The following MAF variants were observed in gnomAD, a reference collection of about 807,000 sequenced individuals.
MAF encodes the protein transcription factor Maf.
In MAF, 10 loss-of-function variants were observed where a neutral mutation model predicts 22.0. That is an observed-to-expected ratio of 0.45 (90% CI 0.28 to 0.77). The LOEUF (loss-of-function observed/expected upper bound fraction) is 0.77, where lower values mean the gene tolerates loss of function less well. Among genes scored for constraint, MAF ranks in the 30% least tolerant of loss-of-function variants. MAF has a pLI of 0.12. For synonymous variants in MAF, 337 were observed against 255.8 expected, an observed-to-expected ratio of 1.32 and a Z score of -3.03; for missense variants, 544 against 548.4, an observed-to-expected ratio of 0.99 and a Z score of 0.08.
chr16:79,381,973 G>C, the MAF span, among the ~76,000 whole-genome samples: 1 of 152,152 alleles, frequency 6.6e-6, no homozygotes, highest in Non-Finnish European at 1.5e-5. Context: ...GACGTCAAAT[G>C]TGATATGACA....
the MAF span, among the ~76,000 whole-genome samples, chr16:79,450,419 C>T: frequency 1.3e-5 from 2 of 152,160 alleles, no homozygotes; most frequent in African/African-American, 4.8e-5. Flanking sequence ...AAGTGTTAGA[C>T]AAATTGTTTC....
At chr16:79,573,159 A>C in the MAF span, among the ~76,000 whole-genome samples, 1 of 152,172 alleles carries the variant, frequency 6.6e-6, no homozygotes, top group African/African-American at 2.4e-5. Flanking sequence ...TATTTATATT[A>C]AGGAAATTAG....
At chr16:79,556,940 G>A in the MAF span, among the ~76,000 whole-genome samples, 6 of 151,306 alleles carry the variant, frequency 4.0e-5, no homozygotes, top group African/African-American at 1.5e-4. Context: ...TTTCTGTTAC[G>A]AGTTTCTACC....
the MAF span, among the ~76,000 whole-genome samples, chr16:79,474,029 G>C: frequency 9.2e-5 from 14 of 152,080 alleles, no homozygotes; most frequent in African/African-American, 3.1e-4. Context: ...AGGAAAGGGA[G>C]AGGGCAAAAG....
chr16:79,284,730 C>T, the MAF span, among the ~76,000 whole-genome samples: 1 of 152,194 alleles, frequency 6.6e-6, no homozygotes, highest in African/African-American at 2.4e-5. Context: ...CTTTAACTTC[C>T]GTTTTTCAGG....
At chr16:79,379,921 A>G in the MAF span, among the ~76,000 whole-genome samples, 1 of 152,304 alleles carries the variant, frequency 6.6e-6, no homozygotes, top group African/African-American at 2.4e-5. Context: ...CTCCCCTCAG[A>G]CACAGTTTCA....
downstream of MAF, among the ~76,000 whole-genome samples, chr16:79,589,128 C>T (rs1913036841): frequency 6.6e-6 from 1 of 151,976 alleles, no homozygotes; most frequent in Admixed American, 6.5e-5. Context: ...CGATACTTGC[C>T]TAACTTAAGT....
the MAF span, among the ~76,000 whole-genome samples, chr16:79,543,810 C>T: frequency 3.0e-4 from 46 of 152,096 alleles, no homozygotes; most frequent in South Asian, 7.3e-3. Flanking sequence ...CGTCAGCCTG[C>T]CCAGTAGCTG....
At chr16:79,485,208 C>G in the MAF span, among the ~76,000 whole-genome samples, 51 of 152,284 alleles carry the variant, frequency 3.3e-4, no homozygotes, top group African/African-American at 1.2e-3. Context: ...CTGTGTGACC[C>G]TGGGCAAGTG....
chr16:79,512,227 C>A, the MAF span, among the ~76,000 whole-genome samples: 1 of 152,190 alleles, frequency 6.6e-6, no homozygotes, highest in Non-Finnish European at 1.5e-5. Flanking sequence ...AAAGCTTCAC[C>A]TTCAGTACAG....
the MAF span, among the ~76,000 whole-genome samples, chr16:79,214,866 A>C: frequency 1.3e-5 from 2 of 150,838 alleles, no homozygotes; most frequent in South Asian, 4.2e-4. Flanking sequence ...GCCCACAACC[A>C]CACCTGGCTA....
chr16:79,293,701 T>C, the MAF span, among the ~76,000 whole-genome samples: 1 of 152,186 alleles, frequency 6.6e-6, no homozygotes, highest in Non-Finnish European at 1.5e-5. Flanking sequence ...GGTGTTCACC[T>C]AGTAGAAATT....
At chr16:79,554,557 A>G in the MAF span, among the ~76,000 whole-genome samples, 2 of 152,164 alleles carry the variant, frequency 1.3e-5, no homozygotes, top group Non-Finnish European at 1.5e-5. Flanking sequence ...GGAAGACAAC[A>G]CAGGTGGATG....
chr16:79,326,903 G>A, the MAF span, among the ~76,000 whole-genome samples: 1 of 152,300 alleles, frequency 6.6e-6, no homozygotes, highest in African/African-American at 2.4e-5. Flanking sequence ...TAGATTTTCA[G>A]AAAAGAGAAA....
chr16:79,232,141 G>A, the MAF span, among the ~76,000 whole-genome samples: 1 of 152,028 alleles, frequency 6.6e-6, no homozygotes, highest in Non-Finnish European at 1.5e-5. Flanking sequence ...ACCTCTTACT[G>A]CGCATTCCAG....
chr16:79,232,613 C>A, the MAF span, among the ~76,000 whole-genome samples: 1 of 151,918 alleles, frequency 6.6e-6, no homozygotes, highest in Non-Finnish European at 1.5e-5. Context: ...ACACTCATGG[C>A]ACATGGACAG....
the MAF span, among the ~76,000 whole-genome samples, chr16:79,442,000 C>T: frequency 6.6e-6 from 1 of 152,184 alleles, no homozygotes; most frequent in Non-Finnish European, 1.5e-5. Context: ...AGGGCAGACA[C>T]AGCCATGGAG....
the MAF span, among the ~76,000 whole-genome samples, chr16:79,550,513 A>G: frequency 2.6e-5 from 4 of 152,078 alleles, no homozygotes; most frequent in African/African-American, 9.7e-5. Flanking sequence ...TCACCATGTG[A>G]CCCATTGGGA....
the MAF span, among the ~76,000 whole-genome samples, chr16:79,544,535 G>A: frequency 2.5e-3 from 384 of 152,202 alleles, no homozygotes; most frequent in Non-Finnish European, 4.4e-3. Context: ...AGCACTTTGA[G>A]AGACCGAGTT....
Sources: gnomAD v4.1 joint callset for allele counts (sites outside exome capture counted in the v4.1 genomes callset) on GRCh38, gnomAD v4.1.1 for gene constraint, MANE v1.5 for transcripts, NCBI Gene and HGNC (gene_info 2026-07-23, HGNC 2026-07-21) for gene names.